ZNF609: variants seen among roughly 807,000 people sequenced by gnomAD.
ZNF609 encodes zinc finger protein 609.
A neutral mutation model predicts 109.5 loss-of-function variants in ZNF609; 11 were observed. That is an observed-to-expected ratio of 0.10 (90% confidence interval 0.06 to 0.17). The LOEUF is 0.17. ZNF609 is among the 10% of genes least tolerant of loss of function. The pLI is 1.00. For synonymous variants in ZNF609, 646 were observed against 662.0 expected (o/e 0.98, Z 0.37); for missense variants, 1,559 against 1,772.4 (o/e 0.88, Z 2.16).
At chr15:64,528,843 C>A in intron 2 of ZNF609, 1 of 851,128 alleles carries the variant, frequency 1.2e-6, no homozygotes, top group South Asian at 1.4e-5. Context: ...ATCTGGTGCT[C>A]ATTGTAGCCC....
At chr15:64,632,330 A>C (rs1896096006) in intron 3 of ZNF609, among the ~76,000 whole-genome samples, 1 of 152,130 alleles carries the variant, frequency 6.6e-6, no homozygotes, top group Non-Finnish European at 1.5e-5. Context: ...CTGGTATTAC[A>C]GGCATGAGCA....
At chr15:64,506,314 G>T (rs1397977390) in intron 2 of ZNF609, among the ~76,000 whole-genome samples, 1 of 151,394 alleles carries the variant, frequency 6.6e-6, no homozygotes, top group Admixed American at 6.6e-5. Flanking sequence ...GTAGAGACAG[G>T]GTTTCGTTGT....
chr15:64,659,595 C>A (rs149844785), intron 3 of ZNF609, among the ~76,000 whole-genome samples: 6 of 152,118 alleles, frequency 3.9e-5, no homozygotes, highest in Non-Finnish European at 5.9e-5. Context: ...CACAGAAACT[C>A]AGCAGAGTAG....
Position 64,579,683 on chromosome 15 carries a change from C to A in ZNF609, c.748-43144C>A, listed in dbSNP as rs141720446. Among the ~76,000 whole-genome samples the A allele has an allele frequency of 4.7e-5, 7 of 147,992 alleles. No individual in the cohort carries two copies. The East Asian group carries it at 1.4e-3, about 30-fold the overall frequency. On this transcript the variant is annotated intron_variant, in intron 2 of 9. Coordinates refer to ENST00000326648, the MANE Select transcript of ZNF609 (RefSeq NM_015042.2). ...TGTGATCTTGCTACTGCACTCCAGC[C>A]TGGGCGACACAGGAAAACAAACAAA...
At chr15:64,630,141 G>C (rs1200228542) in intron 3 of ZNF609, among the ~76,000 whole-genome samples, 1 of 138,136 alleles carries the variant, frequency 7.2e-6, no homozygotes, top group Non-Finnish European at 1.5e-5. Flanking sequence ...TCTGTTGCCC[G>C]GGGTACAATG....
intron 2 of ZNF609, among the ~76,000 whole-genome samples, chr15:64,522,936 T>C (rs746385062): frequency 1.3e-5 from 2 of 150,484 alleles, no homozygotes; most frequent in Non-Finnish European, 2.9e-5. Context: ...GATGTTTACA[T>C]AGATGTTTAG....
chr15:64,636,380 A>G (rs540490636), intron 3 of ZNF609, among the ~76,000 whole-genome samples: 1 of 152,238 alleles, frequency 6.6e-6, no homozygotes, highest in East Asian at 1.9e-4. Context: ...CCCTCCCCGA[A>G]GTTGTACTCT....
intron 2 of ZNF609, chr15:64,528,836 T>C: frequency 1.2e-6 from 1 of 844,310 alleles, no homozygotes. Flanking sequence ...GGAGACCATC[T>C]GGTGCTCATT....
At chr15:64,605,094 G>C (rs978050279) in intron 2 of ZNF609, among the ~76,000 whole-genome samples, 10 of 152,136 alleles carry the variant, frequency 6.6e-5, no homozygotes, top group Non-Finnish European at 1.3e-4. Context: ...GCCTACCAAA[G>C]TGCTGGGATT....
At chr15:64,472,188 C>T (rs1046822132) in intron 1 of ZNF609, among the ~76,000 whole-genome samples, 5 of 152,184 alleles carry the variant, frequency 3.3e-5, no homozygotes, top group Non-Finnish European at 5.9e-5. Flanking sequence ...GCTGGGATTA[C>T]AGCCGTGAGC....
chr15:64,481,897 G>T (rs1190667849), intron 1 of ZNF609, among the ~76,000 whole-genome samples: 4 of 152,116 alleles, frequency 2.6e-5, no homozygotes, highest in Non-Finnish European at 5.9e-5. Flanking sequence ...TGATTCTCCT[G>T]CCTCAGCCTC....
chr15:64,610,908 T>G (rs1895706446), intron 2 of ZNF609, among the ~76,000 whole-genome samples: 1 of 152,174 alleles, frequency 6.6e-6, no homozygotes, highest in Admixed American at 6.5e-5. Context: ...GAATCGCTGT[T>G]TAAGACTTCT....
chr15:64,664,443 T>G (rs1316100688), intron 3 of ZNF609, among the ~76,000 whole-genome samples: 1 of 152,168 alleles, frequency 6.6e-6, no homozygotes, highest in Non-Finnish European at 1.5e-5. Context: ...TTACTGCTGT[T>G]TTTTAGCAGT....
At chr15:64,539,428 CGAT>C (rs2140379036) in intron 2 of ZNF609, among the ~76,000 whole-genome samples, 1 of 151,920 alleles carries the variant, frequency 6.6e-6, no homozygotes, top group Non-Finnish European at 1.5e-5. Flanking sequence ...AGGATGGTCT[CGAT>C]CTCCTGACCG....
intron 1 of ZNF609, among the ~76,000 whole-genome samples, chr15:64,471,999 C>T (rs1183206809): frequency 6.6e-6 from 1 of 152,140 alleles, no homozygotes; most frequent in Non-Finnish European, 1.5e-5. Context: ...CATCCTCAGC[C>T]TCCTGGGTTC....
chr15:64,487,401 T>G (rs1893347611), intron 1 of ZNF609, among the ~76,000 whole-genome samples: 1 of 152,220 alleles, frequency 6.6e-6, no homozygotes, highest in Non-Finnish European at 1.5e-5. Context: ...ATAATATGTA[T>G]GTAGTAAAGT....
intron 2 of ZNF609, among the ~76,000 whole-genome samples, chr15:64,550,790 TC>T (rs1022285090): frequency 6.9e-6 from 1 of 145,320 alleles, no homozygotes. Context: ...GAGCCGATGA[TC>T]GTGCCACTGC....
intron 1 of ZNF609, among the ~76,000 whole-genome samples, chr15:64,494,365 T>C (rs1413881411): frequency 6.6e-6 from 1 of 152,218 alleles, no homozygotes; most frequent in Non-Finnish European, 1.5e-5. Context: ...ATACTTTCAG[T>C]AAAATAGACA....
intron 2 of ZNF609, among the ~76,000 whole-genome samples, chr15:64,536,876 C>T (rs1894155580): frequency 7.3e-6 from 1 of 137,800 alleles, no homozygotes; most frequent in Admixed American, 7.7e-5. Flanking sequence ...TGCCACTGCA[C>T]TCCAGCCTGG....
Sources: allele counts gnomAD v4.1 joint callset (sites outside exome capture counted in the v4.1 genomes callset), GRCh38; gene constraint gnomAD v4.1.1; transcripts MANE v1.5; gene names NCBI Gene and HGNC (gene_info 2026-07-23, HGNC 2026-07-21).